ANTXRL: variants seen among roughly 807,000 people sequenced by gnomAD.
ANTXRL encodes anthrax toxin receptor-like.
Under a neutral mutation model 75.4 loss-of-function variants are expected in ANTXRL, and 63 were observed. The observed-to-expected ratio is 0.84, with a 90% CI of 0.68 to 1.03. The LOEUF is 1.03. Ranked by LOEUF, ANTXRL falls within the 50% of genes least tolerant of loss-of-function variation. The pLI is 0.00. For synonymous variants in ANTXRL, 335 were observed against 291.3 expected, an observed-to-expected ratio of 1.15 and a Z score of -1.53; for missense variants, 797 against 789.4, an observed-to-expected ratio of 1.01 and a Z score of -0.12.
chr10:46,292,592 C>T (rs1466578246), intron 2 of ANTXRL, among the ~76,000 whole-genome samples: 9 of 152,020 alleles, frequency 5.9e-5, no homozygotes, highest in African/African-American at 1.9e-4. Flanking sequence ...CCTGTGGTGG[C>T]GTGAGTGGTC....
chr10:46,323,462 G>A (rs1037189521), intron 16 of ANTXRL, among the ~76,000 whole-genome samples: 3 of 152,134 alleles, frequency 2.0e-5, no homozygotes, highest in Non-Finnish European at 4.4e-5. Flanking sequence ...AGAAGACATC[G>A]GGAAGAATTT....
intron 3 of ANTXRL, among the ~76,000 whole-genome samples, chr10:46,295,766 AC>A (rs1554958429): frequency 5.9e-5 from 9 of 152,214 alleles, no homozygotes; most frequent in African/African-American, 1.9e-4. Flanking sequence ...TCCTACTGTC[AC>A]CAGAGATGGT....
In ANTXRL at chr10:46,297,920, G is replaced by A. The variant is rs1837479714; in HGVS notation, c.735+9G>A. 1 of 1,535,902 alleles carries A rather than the reference G, an allele frequency of 6.5e-7. No homozygotes were observed. Among genetic ancestry groups the A allele is most frequent in the Non-Finnish European group, 8.7e-7 (1 of 1,146,728 alleles). On this transcript the variant is annotated intron_variant, in intron 8 of 16. Transcript: ENST00000620264. Reference sequence around the variant, plus strand: ...GAAGCACCATTGATGCCGTGAGTGGGCAGAGGTGAGGGGCTGGGGACCTGG... The same window carrying A: ...GAAGCACCATTGATGCCGTGAGTGGACAGAGGTGAGGGGCTGGGGACCTGG...
chr10:46,308,555 A>G (rs1298351113), intron 12 of ANTXRL: 2 of 424,598 alleles, frequency 4.7e-6, no homozygotes, highest in African/African-American at 4.1e-5. Flanking sequence ...GAACACCCAG[A>G]GAACTGTTCC....
intron 16 of ANTXRL, among the ~76,000 whole-genome samples, chr10:46,322,406 C>T (rs141712418): frequency 0.016 from 2,449 of 149,134 alleles, 4 homozygotes; most frequent in Non-Finnish European, 0.025. Context: ...TGCAGTGAGC[C>T]GAGATTGCAC....
At chr10:46,311,700 C>G in intron 15 of ANTXRL, 35 bp downstream of exon 15, 1 of 785,232 alleles carries the variant, frequency 1.3e-6, no homozygotes, top group South Asian at 1.5e-5. Flanking sequence ...GCTGTGACCC[C>G]AGCATGGGAC....
Position 46,292,137 on chromosome 10 carries a change from T to G in ANTXRL, c.320+8T>G. 1 of 1,535,962 alleles carries G rather than the reference T, an allele frequency of 6.5e-7. No individual in the cohort carries two copies. The highest frequency in any genetic ancestry group is 8.7e-7 in the Non-Finnish European group (1 of 1,146,644). On this transcript the variant is annotated splice_region_variant and intron_variant, in intron 2 of 16. Transcript: ENST00000620264. ...AGTGGCGAGGTTCCAAAGGTACAGA[T>G]CTCTGCATGGCAGCCTCCCCTGAGC...
chr10:46,305,910 T>C (rs1207152484), intron 10 of ANTXRL, among the ~76,000 whole-genome samples: 3 of 152,152 alleles, frequency 2.0e-5, no homozygotes, highest in African/African-American at 7.2e-5. Flanking sequence ...TTGACTCCTC[T>C]GAGCTTCCTC....
At chr10:46,311,267 G>A (rs1466758686) in intron 14 of ANTXRL, among the ~76,000 whole-genome samples, 1 of 152,074 alleles carries the variant, frequency 6.6e-6, no homozygotes, top group Non-Finnish European at 1.5e-5. Context: ...TAACCCCCAG[G>A]GCAGGCCTCT....
At chr10:46,292,240 G>A in intron 2 of ANTXRL, 111 bp downstream of exon 2, 3 of 991,858 alleles carry the variant, frequency 3.0e-6, no homozygotes. Flanking sequence ...TCCTTCAGTG[G>A]GGGACACAGA....
In ANTXRL at chr10:46,330,013, C is replaced by A; in HGVS notation, c.1825C>A (p.Leu609Met). Residue 609 changes from leucine to methionine, a missense_variant, in exon 17 of 17, where the codon CTG becomes ATG. Around this residue, in one of 3 missense-constraint regions of ANTXRL, gnomAD observed 479 missense variants for 422.0 expected, o/e 1.14. Coordinates refer to ENST00000620264, the MANE Select transcript of ANTXRL (RefSeq NM_001278688.3). ...GAGGCCTCCCTCCAGGATGCTGCCG[C>A]TGCTGTCCCCACTGCTCAGGCACAC... ...CLRPPSRMLP[L>M]LSPLLRHTAE... 6.5e-7 allele frequency: 1 copy of A among 1,534,440 alleles called. No homozygotes were observed.
Position 46,287,010 on chromosome 10 carries a change from T to A in ANTXRL, c.-253T>A, listed in dbSNP as rs1836791557. On this transcript the variant is annotated 5_prime_UTR_variant, in exon 1 of 17. Transcript: ENST00000620264. Reference sequence around the variant, plus strand: ...CTTCCTGTCAACCATAACAGAGAATTCTGTCCCCAGGGTGGGGGAAGGGCC... The same window carrying A: ...CTTCCTGTCAACCATAACAGAGAATACTGTCCCCAGGGTGGGGGAAGGGCC... The A allele has an allele frequency of 1.8e-6, 1 of 555,598 alleles. No homozygotes were observed. The highest frequency in any genetic ancestry group is 3.2e-6 in the Non-Finnish European group (1 of 314,124). The allele number at this position is 555,598 out of a possible 1,614,324, so 34.4% of individuals were successfully genotyped here.
At chr10:46,289,191 T>A (rs1167394876) in intron 1 of ANTXRL, among the ~76,000 whole-genome samples, 1 of 152,136 alleles carries the variant, frequency 6.6e-6, no homozygotes, top group Non-Finnish European at 1.5e-5. Context: ...TGTTCATTGA[T>A]TGGATTGAGC....
intron 16 of ANTXRL, among the ~76,000 whole-genome samples, chr10:46,326,476 T>G (rs1267779849): frequency 7.2e-5 from 11 of 152,152 alleles, no homozygotes; most frequent in African/African-American, 2.4e-4. Context: ...CCGCCATGCC[T>G]TCTAACCATG....
In ANTXRL at chr10:46,298,037, G is replaced by A; in HGVS notation, c.771G>A (p.Val257=). The change falls in exon 9 of 17, where the codon GTG becomes GTA. Residue 257 remains valine (V), a synonymous_variant. Transcript: ENST00000620264. ...TSKVCLDVTS[V]EPSSECVGEP... The stretch of plus-strand genomic sequence containing the variant: ...AGGTCTGTCTTGATGTGACATCGGT[G>A]GAGCCTTCCTCTGAGTGTGTAGGAG... 1 of 1,535,918 alleles carries A rather than the reference G, an allele frequency of 6.5e-7. No individual in the cohort carries two copies.
chr10:46,318,774 A>G (rs1347492900), intron 16 of ANTXRL, among the ~76,000 whole-genome samples: 11 of 152,176 alleles, frequency 7.2e-5, no homozygotes, highest in African/African-American at 2.7e-4. Flanking sequence ...ATGTCAAAAG[A>G]AAAACATCAG....
intron 16 of ANTXRL, among the ~76,000 whole-genome samples, chr10:46,329,337 G>A (rs1387579864): frequency 1.3e-5 from 2 of 152,102 alleles, no homozygotes; most frequent in Admixed American, 6.5e-5. Context: ...AAACAATTTC[G>A]ACTGGAGGGC....
At chr10:46,298,107 T>C (rs546994472) in intron 9 of ANTXRL, 45 bp downstream of exon 9, 374,443 of 1,101,488 alleles carry the variant, frequency 0.34, 61,806 homozygotes, top group Admixed American at 0.38. Context: ...GTGGTGTGCA[T>C]GAGTGCATGC....
Position 46,305,356 on chromosome 10 carries a change from T to G in ANTXRL, c.896-1447T>G, listed in dbSNP as rs1175891292. ...GAGTGTCTCTAAACAGAAATGCTAT[T>G]TATTCAGGAACAGGACATTGCAATG... On this transcript the variant is annotated intron_variant, in intron 10 of 16. Coordinates refer to ENST00000620264, the MANE Select transcript of ANTXRL (RefSeq NM_001278688.3). 2.0e-5 allele frequency among the ~76,000 whole-genome samples: 3 copies of G among 152,214 alleles called. No individual in the cohort carries two copies. The East Asian group carries it at 5.8e-4, about 29-fold the overall frequency.
Sources: allele counts gnomAD v4.1 joint callset (sites outside exome capture counted in the v4.1 genomes callset), GRCh38; gene constraint gnomAD v4.1.1; regional missense constraint gnomAD v4.1.1; transcripts MANE v1.5; gene names NCBI Gene and HGNC (gene_info 2026-07-23, HGNC 2026-07-21).